Variants in SDHAF3 observed in about 807,000 individuals in gnomAD.
SDHAF3 encodes succinate dehydrogenase complex assembly factor 3, also known as succinate dehydrogenase assembly factor 3, mitochondrial.
SDHAF3 carries 18 observed loss-of-function variants against 11.5 expected under a neutral mutation model. The observed-to-expected ratio is 1.56, with a 90% CI of 1.08 to 2.32. SDHAF3 has a LOEUF of 2.32. Among genes scored for constraint, SDHAF3 ranks in the 30% most tolerant of loss-of-function variants. The probability of loss-of-function intolerance (pLI) is 0.00; values close to 1 mark genes in which losing one functional copy is unlikely to be tolerated. For synonymous variants in SDHAF3, 72 were observed against 59.3 expected (o/e 1.21, Z -0.99); for missense variants, 200 against 154.4 (o/e 1.30, Z -1.57).
chr7:97,126,527 A>C (rs1469178118), intron 1 of SDHAF3, among the ~76,000 whole-genome samples: 1 of 152,106 alleles, frequency 6.6e-6, no homozygotes, highest in Non-Finnish European at 1.5e-5. Flanking sequence ...GTGAGGAGGA[A>C]TCTAGAGAGG....
At chr7:97,177,905 C>G (rs1161775447) in intron 1 of SDHAF3, among the ~76,000 whole-genome samples, 1 of 152,162 alleles carries the variant, frequency 6.6e-6, no homozygotes, top group Non-Finnish European at 1.5e-5. Flanking sequence ...TCTGAATAAT[C>G]TCAGGCACTG....
chr7:97,140,423 G>A (rs1377798706), intron 1 of SDHAF3, among the ~76,000 whole-genome samples: 1 of 137,768 alleles, frequency 7.3e-6, no homozygotes, highest in Non-Finnish European at 1.5e-5. Flanking sequence ...TTGGCTCACT[G>A]CAAGCTCCGC....
chr7:97,129,167 G>A (rs1467657236), intron 1 of SDHAF3, among the ~76,000 whole-genome samples: 1 of 148,722 alleles, frequency 6.7e-6, no homozygotes, highest in Non-Finnish European at 1.5e-5. Flanking sequence ...CCATATTTAT[G>A]AATAAAACAA....
intron 1 of SDHAF3, among the ~76,000 whole-genome samples, chr7:97,121,944 G>A (rs1312929150): frequency 6.8e-6 from 1 of 147,268 alleles, no homozygotes; most frequent in Admixed American, 7.0e-5. Context: ...TGCAAACTCC[G>A]CCTCCCAGGT....
intron 1 of SDHAF3, among the ~76,000 whole-genome samples, chr7:97,154,044 G>A (rs1487123604): frequency 1.3e-5 from 2 of 152,194 alleles, no homozygotes; most frequent in African/African-American, 4.8e-5. Context: ...AGGGTGGTGG[G>A]ATTATCATTA....
At chr7:97,159,397 C>T (rs971238909) in intron 1 of SDHAF3, among the ~76,000 whole-genome samples, 2 of 152,152 alleles carry the variant, frequency 1.3e-5, no homozygotes, top group Non-Finnish European at 2.9e-5. Flanking sequence ...CCAGACTTTC[C>T]TCCCAAGTTT....
chr7:97,129,341 CTGTT>C (rs1197270384), intron 1 of SDHAF3, among the ~76,000 whole-genome samples: 1 of 152,120 alleles, frequency 6.6e-6, no homozygotes, highest in East Asian at 1.9e-4. Context: ...AGTGTATTCT[CTGTT>C]TGTATTCGGA....
intron 1 of SDHAF3, among the ~76,000 whole-genome samples, chr7:97,131,084 C>T (rs560112310): frequency 6.6e-6 from 1 of 152,268 alleles, no homozygotes; most frequent in East Asian, 1.9e-4. Context: ...TATCATATAG[C>T]TAGATAGGAC....
chr7:97,160,175 C>T (rs1336208683), intron 1 of SDHAF3, among the ~76,000 whole-genome samples: 29 of 135,570 alleles, frequency 2.1e-4, no homozygotes, highest in African/African-American at 8.2e-4. Flanking sequence ...CGCCCCTGCC[C>T]GGCCACCCAT....
At chr7:97,130,962 C>T (rs933131864) in intron 1 of SDHAF3, among the ~76,000 whole-genome samples, 4 of 152,184 alleles carry the variant, frequency 2.6e-5, no homozygotes, top group Non-Finnish European at 4.4e-5. Flanking sequence ...TGGACTTTGC[C>T]AGGAACTGGC....
rs1791745492 is a variant in SDHAF3, at chr7:97,135,605, G to GTGTGTGTGTGTGTGTGTC, written c.174+17724_174+17725insTCTGTGTGTGTGTGTGTG. The GTGTGTGTGTGTGTGTGTC allele has an allele frequency of 2.8e-5, 4 of 140,590 alleles. No homozygotes were observed. The East Asian group carries it at 6.4e-4, about 23-fold the overall frequency. 8.7% of individuals were successfully genotyped at this position (140,590 alleles called of 1,614,324 possible). ...TATGTGTGTGTGTGTGTGTGTGTCTGTGTGTGTGTGTGTGTGAGATGTATG... is the reference window on the plus strand; with the variant it reads ...TATGTGTGTGTGTGTGTGTGTGTCTGTGTGTGTGTGTGTGTGTCTGTGTGTGTGTGTGTGAGATGTATG... On this transcript the variant is annotated intron_variant, in intron 1 of 1. Transcript: ENST00000432641.
chr7:97,142,269 G>A (rs950616931), intron 1 of SDHAF3, among the ~76,000 whole-genome samples: 8 of 151,658 alleles, frequency 5.3e-5, no homozygotes, highest in Non-Finnish European at 1.2e-4. Flanking sequence ...TGGCCAGGCT[G>A]GTCTCAAACT....
intron 1 of SDHAF3, among the ~76,000 whole-genome samples, chr7:97,118,632 T>G (rs1791446256): frequency 6.6e-6 from 1 of 152,114 alleles, no homozygotes; most frequent in Admixed American, 6.5e-5. Context: ...TTGCCCCTAG[T>G]TTTCATTTGC....
chr7:97,157,090 C>T (rs1789313875), intron 1 of SDHAF3, among the ~76,000 whole-genome samples: 1 of 152,012 alleles, frequency 6.6e-6, no homozygotes, highest in African/African-American at 2.4e-5. Context: ...AATACGAATT[C>T]TGTTATTTTT....
intron 1 of SDHAF3, among the ~76,000 whole-genome samples, chr7:97,159,701 C>T (rs1002704199): frequency 6.6e-6 from 1 of 152,126 alleles, no homozygotes; most frequent in Non-Finnish European, 1.5e-5. Context: ...TTCAAGGCCA[C>T]TGGTCATCTG....
At chr7:97,140,234 AAAC>A (rs552415358) in intron 1 of SDHAF3, among the ~76,000 whole-genome samples, 17 of 152,166 alleles carry the variant, frequency 1.1e-4, no homozygotes, top group Non-Finnish European at 1.5e-4. Flanking sequence ...GTGTCTTTCA[AAAC>A]AACCTTCATA....
At chr7:97,121,229 AGTT>A (rs1791491042) in intron 1 of SDHAF3, among the ~76,000 whole-genome samples, 1 of 152,194 alleles carries the variant, frequency 6.6e-6, no homozygotes, top group Non-Finnish European at 1.5e-5. Context: ...TTTGAGGAAT[AGTT>A]GTTTAAGGCT....
intron 1 of SDHAF3, among the ~76,000 whole-genome samples, chr7:97,145,318 A>G (rs1789119783): frequency 6.6e-6 from 1 of 151,898 alleles, no homozygotes; most frequent in Non-Finnish European, 1.5e-5. Context: ...CTGAAGTAGT[A>G]TTTGTCTTTT....
intron 1 of SDHAF3, among the ~76,000 whole-genome samples, chr7:97,162,974 A>G (rs965436378): frequency 6.6e-6 from 1 of 152,068 alleles, no homozygotes; most frequent in Non-Finnish European, 1.5e-5. Flanking sequence ...TTATCTGTCC[A>G]GTATTGACAG....
Sources: allele counts gnomAD v4.1 joint callset (sites outside exome capture counted in the v4.1 genomes callset), GRCh38; gene constraint gnomAD v4.1.1; transcripts MANE v1.5; gene names NCBI Gene and HGNC (gene_info 2026-07-23, HGNC 2026-07-21).